Variants in ESRRG observed in about 807,000 individuals in gnomAD.
ESRRG encodes estrogen-related receptor gamma.
In ESRRG, 13 loss-of-function variants were observed where a neutral mutation model predicts 44.0. That is an observed-to-expected ratio of 0.30 (90% CI 0.19 to 0.47). ESRRG has a LOEUF of 0.47. Among genes scored for constraint, ESRRG ranks in the 20% least tolerant of loss-of-function variants. The pLI, the probability that ESRRG is intolerant of heterozygous loss-of-function variation, is 1.00. For missense variants in ESRRG, 395 were observed against 580.6 expected (o/e 0.68, Z 3.29); for synonymous variants, 215 against 214.6 (o/e 1.00, Z -0.02).
intron 2 of ESRRG, among the ~76,000 whole-genome samples, chr1:216,832,712 C>T (rs987405815): frequency 6.6e-6 from 1 of 152,100 alleles, no homozygotes; most frequent in Non-Finnish European, 1.5e-5. Context: ...GCCGGTAATA[C>T]TAACACTTTG....
At chr1:217,098,593 C>T (rs559495169) in intron 1 of ESRRG, among the ~76,000 whole-genome samples, 36 of 152,084 alleles carry the variant, frequency 2.4e-4, no homozygotes, top group Admixed American at 1.5e-3. Context: ...TACAGAGAAA[C>T]GGTCTAGCTG....
intron 1 of ESRRG, among the ~76,000 whole-genome samples, chr1:216,961,161 C>A (rs575892535): frequency 3.3e-5 from 5 of 152,134 alleles, no homozygotes; most frequent in Non-Finnish European, 5.9e-5. Flanking sequence ...ATTGCAGATC[C>A]ATGGGAACAA....
chr1:216,505,274 C>A lies in ESRRG; in HGVS notation c.*1665G>T, dbSNP rs2041003652. The A allele has an allele frequency of 6.6e-6, 1 of 152,552 alleles. No homozygotes were observed. Among genetic ancestry groups the A allele is most frequent in the Admixed American group, 6.6e-5 (1 of 15,260 alleles). The allele number at this position is 152,552 out of a possible 1,614,324, so 9.4% of individuals were successfully genotyped here. A position where few individuals can be genotyped will look rare whatever the true frequency, so the allele number is the denominator to read the frequency against. ...TAATTGATTTCTTCATTAGATTACACCTCTTAACAGTCTGGAACCTGACTT... is the reference window on the plus strand; with the variant it reads ...TAATTGATTTCTTCATTAGATTACAACTCTTAACAGTCTGGAACCTGACTT... On this transcript the variant is annotated 3_prime_UTR_variant, in exon 7 of 7. Transcript: ENST00000408911.
At chr1:216,530,086 T>C (rs1488284955) in intron 5 of ESRRG, among the ~76,000 whole-genome samples, 1 of 114,354 alleles carries the variant, frequency 8.7e-6, no homozygotes, top group African/African-American at 3.6e-5. Context: ...CACTCCAGCC[T>C]GGGTGGCAGA....
chr1:216,821,498 C>T (rs2095286640), intron 2 of ESRRG, among the ~76,000 whole-genome samples: 1 of 151,586 alleles, frequency 6.6e-6, no homozygotes, highest in South Asian at 2.1e-4. Flanking sequence ...GCAGCCTTGG[C>T]AACATAGTGA....
At chr1:216,757,735 G>A (rs12725407) in intron 2 of ESRRG, among the ~76,000 whole-genome samples, 1 of 151,908 alleles carries the variant, frequency 6.6e-6, no homozygotes, top group African/African-American at 2.4e-5. Context: ...ATATAGTCCT[G>A]TCTAATCCTT....
chr1:216,685,064 A>G (rs1277744018), intron 1 of ESRRG, among the ~76,000 whole-genome samples: 6 of 152,166 alleles, frequency 3.9e-5, no homozygotes, highest in Non-Finnish European at 8.8e-5. Context: ...TACTTTACAC[A>G]AGTTACTCTT....
intron 2 of ESRRG, among the ~76,000 whole-genome samples, chr1:216,852,903 T>C (rs966380338): frequency 6.6e-6 from 1 of 152,142 alleles, no homozygotes. Context: ...ACTCTGACTA[T>C]GGCCTCACTT....
At chr1:216,514,457 G>A (rs1248706726) in intron 6 of ESRRG, among the ~76,000 whole-genome samples, 1 of 152,012 alleles carries the variant, frequency 6.6e-6, no homozygotes, top group East Asian at 1.9e-4. Context: ...TAATTTCTTG[G>A]TAAACATTTC....
At chr1:216,727,664 T>C (rs1325541030), upstream of ESRRG, among the ~76,000 whole-genome samples, 1 of 152,192 alleles carries the variant, frequency 6.6e-6, no homozygotes, top group Non-Finnish European at 1.5e-5. Context: ...GCACAGGCTT[T>C]GATATTTAAA....
intron 2 of ESRRG, among the ~76,000 whole-genome samples, chr1:216,873,245 G>A (rs2576249): frequency 7.7e-6 from 1 of 130,092 alleles, no homozygotes; most frequent in Non-Finnish European, 1.6e-5. Context: ...GAGTTTCACT[G>A]TTGTCGCTCA....
chr1:216,654,513 C>T (rs545758880), intron 2 of ESRRG, among the ~76,000 whole-genome samples: 6 of 151,804 alleles, frequency 4.0e-5, no homozygotes, highest in Middle Eastern at 3.4e-3. Context: ...CCTGTAATCC[C>T]AGCTGCGTGG....
chr1:216,964,292 G>A (rs1457719784), intron 1 of ESRRG, among the ~76,000 whole-genome samples: 1 of 152,108 alleles, frequency 6.6e-6, no homozygotes, highest in Non-Finnish European at 1.5e-5. Context: ...CATGTGGAAG[G>A]GATCAAGGAT....
chr1:216,634,174 G>A (rs2064819602), intron 3 of ESRRG, among the ~76,000 whole-genome samples: 1 of 152,146 alleles, frequency 6.6e-6, no homozygotes, highest in Non-Finnish European at 1.5e-5. Context: ...TCAGGTATCA[G>A]TGACAGGGAT....
At chr1:216,817,532 G>T (rs1438966067) in intron 2 of ESRRG, among the ~76,000 whole-genome samples, 1 of 152,026 alleles carries the variant, frequency 6.6e-6, no homozygotes, top group Non-Finnish European at 1.5e-5. Flanking sequence ...ACACTCCCAG[G>T]TTCCTAATCA....
intron 1 of ESRRG, among the ~76,000 whole-genome samples, chr1:217,064,503 C>A (rs1435193325): frequency 1.3e-5 from 2 of 152,094 alleles, no homozygotes; most frequent in Non-Finnish European, 2.9e-5. Flanking sequence ...ACCAAATGGA[C>A]CCACAGAGCA....
At chr1:217,047,817 T>C (rs565436202) in intron 1 of ESRRG, among the ~76,000 whole-genome samples, 87 of 152,258 alleles carry the variant, frequency 5.7e-4, no homozygotes, top group African/African-American at 2.0e-3. Flanking sequence ...GAATTCTAAA[T>C]CCCATAGTTA....
chr1:216,812,514 A>G (rs1338146312), intron 2 of ESRRG, among the ~76,000 whole-genome samples: 2 of 152,296 alleles, frequency 1.3e-5, no homozygotes, highest in Non-Finnish European at 2.9e-5. Flanking sequence ...ATTTTTGACC[A>G]CACAGACATA....
intron 1 of ESRRG, among the ~76,000 whole-genome samples, chr1:216,688,263 T>C (rs1423266660): frequency 6.6e-6 from 1 of 152,190 alleles, no homozygotes; most frequent in African/African-American, 2.4e-5. Flanking sequence ...AAGCCATGTC[T>C]TTAACCAGAT....
Sources: gnomAD v4.1 joint callset for allele counts (sites outside exome capture counted in the v4.1 genomes callset) on GRCh38, gnomAD v4.1.1 for gene constraint, MANE v1.5 for transcripts, NCBI Gene and HGNC (gene_info 2026-07-23, HGNC 2026-07-21) for gene names.